MACF1: variants seen among roughly 807,000 people sequenced by gnomAD.
The protein encoded by MACF1 is microtubule-actin cross-linking factor 1.
A neutral mutation model predicts 854.8 loss-of-function variants in MACF1; 193 were observed. The ratio of observed to expected loss-of-function variants is 0.23; its 90% CI spans 0.20 to 0.25. The LOEUF (loss-of-function observed/expected upper bound fraction) is 0.25, where lower values mean the gene tolerates loss of function less well. MACF1 is among the 10% of genes least tolerant of loss of function. The pLI is 1.00. For synonymous variants in MACF1, 3,185 were observed against 3,226.7 expected, an observed-to-expected ratio of 0.99 and a Z score of 0.44; for missense variants, 7,722 against 8,929.1, an observed-to-expected ratio of 0.86 and a Z score of 5.45.
intron 99 of MACF1, among the ~76,000 whole-genome samples, chr1:39,483,112 AC>A (rs67851083): frequency 0.041 from 3,560 of 86,754 alleles, 983 homozygotes; most frequent in Middle Eastern, 0.11. Context: ...AAAAAAAAAA[AC>A]ACCCACACAT....
chr1:39,100,915 CGT>C (rs146599271), intron 2 of MACF1, among the ~76,000 whole-genome samples: 13 of 151,220 alleles, frequency 8.6e-5, no homozygotes, highest in African/African-American at 2.2e-4. Flanking sequence ...TGCACGCGCG[CGT>C]GTGTGTGTGT....
In MACF1 at chr1:39,429,727, A is replaced by C. The variant is rs1445381110; in HGVS notation, c.16889-100A>C. 14 of 1,111,044 alleles carry C rather than the reference A, an allele frequency of 1.3e-5. 1 individual carries two copies. Among genetic ancestry groups the C allele is most frequent in the Admixed American group, 9.9e-5 (5 of 50,296 alleles). The allele number at this position is 1,111,044 out of a possible 1,614,324, so 68.8% of individuals were successfully genotyped here. A position where few individuals can be genotyped will look rare whatever the true frequency, so the allele number is the denominator to read the frequency against. ...AAATCATTACCACAGAGAGAGAGAG[A>C]GCGTCTATGAAATTAAAGCTCTGAT... is the stretch of plus-strand genomic sequence containing the variant. On this transcript the variant is annotated intron_variant, in intron 64 of 100. Transcript: ENST00000564288.
intron 1 of MACF1, among the ~76,000 whole-genome samples, chr1:39,209,077 C>A (rs1165145007): frequency 6.6e-6 from 1 of 151,768 alleles, no homozygotes; most frequent in Non-Finnish European, 1.5e-5. Flanking sequence ...CATGGAGAAA[C>A]CCTGTCTCTA....
intron 58 of MACF1, among the ~76,000 whole-genome samples, chr1:39,391,939 G>A (rs1368631127): frequency 6.6e-6 from 1 of 152,156 alleles, no homozygotes; most frequent in Non-Finnish European, 1.5e-5. Flanking sequence ...CATCAACAGT[G>A]GACTGGTGTT....
intron 47 of MACF1, among the ~76,000 whole-genome samples, 170 bp downstream of exon 47, chr1:39,359,434 T>C (rs984534517): frequency 6.6e-6 from 1 of 152,200 alleles, no homozygotes; most frequent in Non-Finnish European, 1.5e-5. Context: ...TCTAATGAAC[T>C]TTATTCTTGC....
rs563966471 is a variant in MACF1 at position 39,084,191 on chromosome 1, C to T, written c.-28C>T. The stretch of plus-strand genomic sequence containing the variant: ...GATCACTTCTCCCTGGGCTCCCAGG[C>T]CCTCCTGCAGCAGCCCCCGCCTGGG... On this transcript the variant is annotated 5_prime_UTR_variant, in exon 2 of 94. Coordinates refer to the MACF1 transcript ENST00000361689. The surrounding 1 kb of genome is among the most constrained non-coding windows in gnomAD (Gnocchi z 5.2). 1.4e-5 allele frequency: 23 copies of T among 1,603,446 alleles called. No homozygotes were observed. The highest frequency in any genetic ancestry group is 8.9e-5 in the East Asian group (4 of 44,844).
chr1:39,263,127 G>T (rs1384293895), intron 6 of MACF1, among the ~76,000 whole-genome samples: 1 of 152,150 alleles, frequency 6.6e-6, no homozygotes, highest in Non-Finnish European at 1.5e-5. Flanking sequence ...ATGCAGAGTA[G>T]AACTGTTACA....
chr1:39,280,788 G>A (rs1238096297), intron 6 of MACF1, among the ~76,000 whole-genome samples: 1 of 152,070 alleles, frequency 6.6e-6, no homozygotes, highest in Non-Finnish European at 1.5e-5. Flanking sequence ...ATGTCGGCCA[G>A]GCTGGTCTCA....
chr1:39,150,768 A>G (rs1488738425), intron 2 of MACF1, among the ~76,000 whole-genome samples: 2 of 151,898 alleles, frequency 1.3e-5, no homozygotes, highest in Admixed American at 6.6e-5. Flanking sequence ...ACTATGAAAC[A>G]CTCCATTCTC....
chr1:39,324,494 T>G, intron 34 of MACF1, 149 bp downstream of exon 34: 1 of 1,143,054 alleles, frequency 8.7e-7, no homozygotes, highest in Non-Finnish European at 1.2e-6. Flanking sequence ...TCTTGTTTGT[T>G]CTTGTACCTT....
rs149746077 is a variant in MACF1 at position 39,388,250 on chromosome 1, A to G, written c.15408A>G (p.Ala5136=). 12 of 1,614,104 alleles carry G rather than the reference A, an allele frequency of 7.4e-6. No homozygotes were observed. Among genetic ancestry groups the G allele is most frequent in the African/African-American group, 1.3e-5 (1 of 74,940 alleles). The change falls in exon 58 of 101, where the codon GCA becomes GCG. Residue 5136 remains alanine (A), a synonymous_variant. Transcript: ENST00000564288. ...CRVREMFSQL[A]DLDDELDGMG... is the part of the protein sequence containing the mutation. Reference sequence around the variant, plus strand: ...TCCGAGAGATGTTCTCTCAATTGGCAGACCTGGATGATGAGCTAGATGGCA... The same window carrying G: ...TCCGAGAGATGTTCTCTCAATTGGCGGACCTGGATGATGAGCTAGATGGCA...
chr1:39,410,238 A>AT (rs1036002585), intron 58 of MACF1: 13 of 1,511,112 alleles, frequency 8.6e-6, no homozygotes, highest in Non-Finnish European at 1.2e-5. Context: ...CTTTTGAAAG[A>AT]TTGATGGTTC....
At chr1:39,155,297 T>C (rs1643661081) in intron 2 of MACF1, among the ~76,000 whole-genome samples, 1 of 152,242 alleles carries the variant, frequency 6.6e-6, no homozygotes, top group South Asian at 2.1e-4. Context: ...ACAGAGGAAA[T>C]GACAAACTAG....
rs1295473159 is a variant in MACF1 at position 39,331,487 on chromosome 1, T to G, written c.4899T>G (p.Ser1633=). ...TTACTGAGAGCAGAGGCCCTCTTTC[T>G]GTGGTGGAAGCAATTGAAAAGAGAA... is the stretch of plus-strand genomic sequence containing the variant. ...SRLTESRGPL[S]VVEAIEKRII... Residue 1633 remains serine (S), a synonymous_variant, in exon 37 of 101, where the codon TCT becomes TCG. Transcript: ENST00000564288. 6.2e-7 allele frequency: 1 copy of G among 1,614,190 alleles called. No homozygotes were observed. The highest frequency in any genetic ancestry group is 8.5e-7 in the Non-Finnish European group (1 of 1,180,024).
Position 39,370,073 on chromosome 1 carries a change from C to T in MACF1, c.12982C>T (p.Arg4328Trp), listed in dbSNP as rs143291154. 19 of 1,613,584 alleles carry T rather than the reference C, an allele frequency of 1.2e-5. No individual in the cohort carries two copies. Among genetic ancestry groups the T allele is most frequent in the Admixed American group, 1.7e-5 (1 of 59,918 alleles). ...SSCQEQLDEFRKLVRTFQKWL... is the reference protein window; with the variant it reads ...SSCQEQLDEFWKLVRTFQKWL... ...TTGCCAGGAACAGTTGGATGAATTC[C>T]GGAAGCTGGTCAGGACCTTCCAGAA... The change falls in exon 51 of 101, where the codon CGG becomes TGG. Residue 4328 changes from arginine to tryptophan, a missense_variant. Arg to Trp is a moderately radical substitution (Grantham distance 101). This residue lies in a region of MACF1 where 2,807 missense variants were observed against 3,235.8 expected (regional missense o/e 0.87). Transcript: ENST00000564288.
intron 94 of MACF1, 162 bp from the exon 95 acceptor site, chr1:39,464,933 C>A: frequency 1.2e-5 from 8 of 669,296 alleles, no homozygotes; most frequent in Middle Eastern, 2.7e-4. Context: ...AAAATTAAAA[C>A]CACATCCCTG....
intron 29 of MACF1, 45 bp from the exon 30 acceptor site, chr1:39,318,408 A>G: frequency 8.3e-6 from 13 of 1,563,396 alleles, no homozygotes; most frequent in Non-Finnish European, 1.1e-5. Flanking sequence ...ACTTTATTGT[A>G]TTTGTACCAA....
intron 72 of MACF1, among the ~76,000 whole-genome samples, chr1:39,440,501 T>C (rs1441638859): frequency 6.6e-6 from 1 of 152,196 alleles, no homozygotes; most frequent in Non-Finnish European, 1.5e-5. Context: ...AATTTCTTAC[T>C]TTTATTTCAG....
At chr1:39,243,971 G>C (rs925171524) in intron 2 of MACF1, among the ~76,000 whole-genome samples, 1 of 151,920 alleles carries the variant, frequency 6.6e-6, no homozygotes, top group Non-Finnish European at 1.5e-5. Flanking sequence ...GCTGTGTCTA[G>C]TATGCTTCAG....
Sources: allele counts gnomAD v4.1 joint callset (sites outside exome capture counted in the v4.1 genomes callset), GRCh38; gene constraint gnomAD v4.1.1; regional missense constraint gnomAD v4.1.1; non-coding constraint Gnocchi (gnomAD v3.1); transcripts MANE v1.5; gene names NCBI Gene and HGNC (gene_info 2026-07-23, HGNC 2026-07-21).